The following NEO1 variants were observed in gnomAD, a reference collection of about 807,000 sequenced individuals.
NEO1 encodes the protein neogenin 1.
NEO1 carries 63 observed loss-of-function variants against 159.7 expected under a neutral mutation model. The observed-to-expected ratio is 0.39, with a 90% CI of 0.32 to 0.49. NEO1 has a LOEUF of 0.49. Ranked by LOEUF, NEO1 falls within the 20% of genes least tolerant of loss-of-function variation. The probability of loss-of-function intolerance (pLI) is 0.85; values close to 1 mark genes in which losing one functional copy is unlikely to be tolerated. For missense variants in NEO1, 1,615 were observed against 1,831.0 expected (o/e 0.88, Z 2.15); for synonymous variants, 633 against 662.0 (o/e 0.96, Z 0.67).
In NEO1 at chr15:73,145,421, C is replaced by G. The variant is rs139176412; in HGVS notation, c.1015+9394C>G. ...CTCACACATTCATTGACCAGCAGTT[C>G]CACATCTGATAATTTGTTTTGATGA... On this transcript the variant is annotated intron_variant, in intron 5 of 28. Transcript: ENST00000261908. 1.5e-4 allele frequency among the ~76,000 whole-genome samples: 23 copies of G among 152,194 alleles called. No individual in the cohort carries two copies. The East Asian group carries it at 4.2e-3, about 28-fold the overall frequency.
At chr15:73,278,647 T>C (rs1406863901) in intron 22 of NEO1, among the ~76,000 whole-genome samples, 1 of 152,224 alleles carries the variant, frequency 6.6e-6, no homozygotes, top group African/African-American at 2.4e-5. Flanking sequence ...TGGTGCCTTC[T>C]AATTTAATGA....
At chr15:73,112,465 T>C (rs538565767) in intron 1 of NEO1, among the ~76,000 whole-genome samples, 1 of 152,212 alleles carries the variant, frequency 6.6e-6, no homozygotes, top group Non-Finnish European at 1.5e-5. Context: ...AACATGCCTC[T>C]TCTTTTCTAG....
chr15:73,225,887 C>T (rs990420745), intron 7 of NEO1, among the ~76,000 whole-genome samples: 1 of 152,172 alleles, frequency 6.6e-6, no homozygotes, highest in Non-Finnish European at 1.5e-5. Flanking sequence ...CACACTCCTC[C>T]GGTTGCCCTC....
intron 22 of NEO1, among the ~76,000 whole-genome samples, chr15:73,281,441 G>C (rs1423487641): frequency 1.3e-5 from 2 of 151,866 alleles, no homozygotes; most frequent in African/African-American, 4.8e-5. Context: ...TTTTTTATTA[G>C]AGACGAGGTT....
In NEO1 at chr15:73,270,191, C is replaced by T. The variant is rs2680348; in HGVS notation, c.2676C>T (p.Thr892=). Residue 892 remains threonine, a synonymous_variant, in exon 17 of 29, where the codon ACC becomes ACT. Coordinates refer to ENST00000261908, the MANE Select transcript of NEO1 (RefSeq NM_002499.4). ...HQKITDSRYY[T]VRWKTNIPAN... is the part of the protein sequence containing the mutation. Reference sequence around the variant, plus strand: ...AGATTACAGACTCCCGATACTACACCGTCCGATGGAAAACCAACATCCCAG... The same window carrying T: ...AGATTACAGACTCCCGATACTACACTGTCCGATGGAAAACCAACATCCCAG... 111,194 of 1,613,996 alleles carry T rather than the reference C, an allele frequency of 0.069. 4,780 individuals carry two copies. The highest frequency in any genetic ancestry group is 0.17 in the African/African-American group (12,853 of 74,958).
intron 7 of NEO1, among the ~76,000 whole-genome samples, chr15:73,217,410 C>T (rs1456584070): frequency 1.9e-4 from 28 of 148,572 alleles, no homozygotes; most frequent in Middle Eastern, 3.5e-3. Context: ...CTTGGCGATG[C>T]GGGCTCTTTT....
rs1023755055 is a variant in NEO1 at position 73,304,632 on chromosome 15, T to G, written c.*1936T>G. On this transcript the variant is annotated 3_prime_UTR_variant, in exon 29 of 29. Coordinates refer to ENST00000261908, the MANE Select transcript of NEO1 (RefSeq NM_002499.4). ...CGGGATTCTGGAAAACCAGTGCACT[T>G]AAACTGATCCTGAAGAGAGCTGTCC... The G allele has an allele frequency of 1.3e-5, 2 of 152,184 alleles. No homozygotes were observed. Among genetic ancestry groups the G allele is most frequent in the Non-Finnish European group, 2.9e-5 (2 of 68,044 alleles). The allele number at this position is 152,184 out of a possible 1,614,324, so 9.4% of individuals were successfully genotyped here.
At chr15:73,223,754 G>A (rs2038419976) in intron 7 of NEO1, among the ~76,000 whole-genome samples, 1 of 152,144 alleles carries the variant, frequency 6.6e-6, no homozygotes, top group South Asian at 2.1e-4. Flanking sequence ...TCTTTTAAGT[G>A]GAGCATTTAG....
intron 1 of NEO1, among the ~76,000 whole-genome samples, chr15:73,081,682 C>T (rs868384096): frequency 4.6e-5 from 7 of 151,816 alleles, no homozygotes; most frequent in African/African-American, 1.7e-4. Context: ...CTCAAGCAAT[C>T]TTCCCACCTT....
intron 1 of NEO1, among the ~76,000 whole-genome samples, chr15:73,056,884 T>C (rs1479310653): frequency 6.6e-6 from 1 of 152,208 alleles, no homozygotes; most frequent in African/African-American, 2.4e-5. Context: ...GCTCTGCCTG[T>C]CTGTTAGAAT....
At chr15:73,269,977 G>A (rs755696228) in intron 16 of NEO1, 33 bp from the exon 17 acceptor site, 9 of 1,519,576 alleles carry the variant, frequency 5.9e-6, no homozygotes, top group Non-Finnish European at 8.2e-6. Context: ...ACATTAAAAT[G>A]CCACTTCCCT....
chr15:73,200,890 C>T (rs2036844862), intron 7 of NEO1, among the ~76,000 whole-genome samples: 1 of 151,826 alleles, frequency 6.6e-6, no homozygotes, highest in Admixed American at 6.6e-5. Context: ...CCATGTTGCC[C>T]AGGCTGGTCT....
At chr15:73,293,171 A>G (rs561397167) in intron 25 of NEO1, among the ~76,000 whole-genome samples, 2 of 152,202 alleles carry the variant, frequency 1.3e-5, no homozygotes, top group Non-Finnish European at 2.9e-5. Context: ...CTTTTTTTCT[A>G]TATATATGTA....
intron 5 of NEO1, among the ~76,000 whole-genome samples, chr15:73,153,689 A>G (rs1430814668): frequency 2.0e-5 from 3 of 152,342 alleles, no homozygotes; most frequent in South Asian, 2.1e-4. Flanking sequence ...ATAATGCTTT[A>G]TATTATTGAG....
intron 1 of NEO1, among the ~76,000 whole-genome samples, chr15:73,106,440 A>G (rs1449734046): frequency 6.6e-6 from 1 of 152,214 alleles, no homozygotes; most frequent in Non-Finnish European, 1.5e-5. Context: ...AAATATTTTA[A>G]CACGTAATTA....
chr15:73,116,876 T>TC lies in NEO1; in HGVS notation c.448+19_448+20insC. 6.6e-7 allele frequency: 1 copy of TC among 1,517,436 alleles called. No homozygotes were observed. Among genetic ancestry groups the TC allele is most frequent in the Non-Finnish European group, 8.8e-7 (1 of 1,135,000 alleles). 94.0% of individuals were successfully genotyped at this position (1,517,436 alleles called of 1,614,324 possible). A position where few individuals can be genotyped will look rare whatever the true frequency, so the allele number is the denominator to read the frequency against. ...GTAGCAGGTAAGTTTTAAGTGATTT[T>TC]TTTTTTTGCATTTTCAAATATTTAT... On this transcript the variant is annotated intron_variant, in intron 2 of 28. Transcript: ENST00000261908.
intron 5 of NEO1, among the ~76,000 whole-genome samples, chr15:73,153,609 A>G (rs1479935188): frequency 6.6e-6 from 1 of 152,246 alleles, no homozygotes; most frequent in Non-Finnish European, 1.5e-5. Flanking sequence ...CGTTATTGTC[A>G]GCCCCTTATT....
At chr15:73,088,899 G>GAAGAAGGAAGATA (rs2069520032) in intron 1 of NEO1, among the ~76,000 whole-genome samples, 1 of 151,880 alleles carries the variant, frequency 6.6e-6, no homozygotes, top group Non-Finnish European at 1.5e-5. Context: ...GAAGGAAGAT[G>GAAGAAGGAAGATA]CTTCCTAAGA....
chr15:73,113,976 C>T (rs1394989998), intron 1 of NEO1, among the ~76,000 whole-genome samples: 1 of 152,014 alleles, frequency 6.6e-6, no homozygotes, highest in Non-Finnish European at 1.5e-5. Flanking sequence ...AATAAGGGTA[C>T]CAGGAGCCAA....
Sources: allele counts gnomAD v4.1 joint callset (sites outside exome capture counted in the v4.1 genomes callset), GRCh38; gene constraint gnomAD v4.1.1; transcripts MANE v1.5; gene names NCBI Gene and HGNC (gene_info 2026-07-23, HGNC 2026-07-21).